Variants in DPP10 observed in about 807,000 individuals in gnomAD.
DPP10 encodes dipeptidyl peptidase like 10.
A neutral mutation model predicts 120.9 loss-of-function variants in DPP10; 33 were observed. That is an observed-to-expected ratio of 0.27 (90% confidence interval 0.21 to 0.37). DPP10 has a LOEUF of 0.37. Among genes scored for constraint, DPP10 ranks in the 10% least tolerant of loss-of-function variants. The pLI is 1.00. For synonymous variants in DPP10, 337 were observed against 326.1 expected (o/e 1.03, Z -0.36); for missense variants, 816 against 942.8 (o/e 0.87, Z 1.76).
chr2:115,342,147 T>A (rs1417937742), intron 2 of DPP10: 1 of 455,186 alleles, frequency 2.2e-6, no homozygotes, highest in Admixed American at 2.4e-5. Context: ...TTCAAACTCA[T>A]TAAGCACTCT....
At chr2:115,470,554 GA>G in intron 3 of DPP10, among the ~76,000 whole-genome samples, 1 of 151,954 alleles carries the variant, frequency 6.6e-6, no homozygotes, top group Middle Eastern at 3.4e-3. Context: ...CAGACTAGGA[GA>G]AAAAAAACTC....
chr2:115,371,832 A>G (rs1331946303), intron 3 of DPP10, among the ~76,000 whole-genome samples: 1 of 152,102 alleles, frequency 6.6e-6, no homozygotes, highest in African/African-American at 2.4e-5. Context: ...AAGAATATCT[A>G]AAAAAACAGA....
chr2:115,058,783 C>T (rs1706158563), intron 1 of DPP10, among the ~76,000 whole-genome samples: 1 of 152,082 alleles, frequency 6.6e-6, no homozygotes, highest in South Asian at 2.1e-4. Context: ...CAAGCCAGCC[C>T]TTCAAATACT....
At chr2:115,302,760 A>G (rs1305946561) in intron 1 of DPP10, among the ~76,000 whole-genome samples, 1 of 152,078 alleles carries the variant, frequency 6.6e-6, no homozygotes, top group Non-Finnish European at 1.5e-5. Flanking sequence ...AACCTTATGT[A>G]GGTCAACAGC....
At chr2:115,348,372 T>G (rs1352766425) in intron 3 of DPP10, among the ~76,000 whole-genome samples, 1 of 152,206 alleles carries the variant, frequency 6.6e-6, no homozygotes, top group Non-Finnish European at 1.5e-5. Context: ...GCATTGATAG[T>G]ATGTGATATC....
At chr2:115,109,700 C>G (rs1278657635) in intron 1 of DPP10, among the ~76,000 whole-genome samples, 1 of 152,264 alleles carries the variant, frequency 6.6e-6, no homozygotes. Context: ...TACAGTGGCT[C>G]TCAATTGGAG....
intron 4 of DPP10, among the ~76,000 whole-genome samples, chr2:115,518,796 A>C (rs996578112): frequency 2.0e-5 from 3 of 152,166 alleles, no homozygotes; most frequent in Admixed American, 2.0e-4. Flanking sequence ...ACATTGTATA[A>C]GGCCATGGTG....
intron 7 of DPP10, among the ~76,000 whole-genome samples, chr2:115,698,968 A>G (rs928637194): frequency 6.8e-6 from 1 of 146,880 alleles, no homozygotes; most frequent in African/African-American, 2.5e-5. Flanking sequence ...TAAAATCAAA[A>G]GTTGGTTCTT....
At chr2:115,458,100 A>G (rs1214558403) in intron 3 of DPP10, among the ~76,000 whole-genome samples, 1 of 152,166 alleles carries the variant, frequency 6.6e-6, no homozygotes, top group African/African-American at 2.4e-5. Context: ...AGAAAAGCCA[A>G]ATTTTCTAGA....
intron 1 of DPP10, among the ~76,000 whole-genome samples, chr2:114,967,735 A>G (rs1039183005): frequency 6.6e-6 from 1 of 152,170 alleles, no homozygotes; most frequent in Non-Finnish European, 1.5e-5. Flanking sequence ...TCCGTCTGCT[A>G]AAAAGTCTTC....
At chr2:115,799,854 T>A (rs938515010) in intron 19 of DPP10, among the ~76,000 whole-genome samples, 4 of 152,062 alleles carry the variant, frequency 2.6e-5, no homozygotes, top group African/African-American at 9.7e-5. Flanking sequence ...TTTAGGTTGG[T>A]TCCAAGTCAT....
chr2:114,925,012 C>G (rs563076977), intron 1 of DPP10, among the ~76,000 whole-genome samples: 18 of 152,056 alleles, frequency 1.2e-4, no homozygotes, highest in East Asian at 5.8e-4. Context: ...GAGTTTGAGA[C>G]CAGCCTGGCT....
At chr2:115,074,571 G>T (rs1436955193) in intron 1 of DPP10, among the ~76,000 whole-genome samples, 2 of 152,156 alleles carry the variant, frequency 1.3e-5, no homozygotes, top group African/African-American at 4.8e-5. Context: ...CCTTTCAGAG[G>T]TAGACAGATG....
At position 115,791,066 on chromosome 2, in the gene DPP10, C is replaced by G. The variant is rs770791391; in HGVS notation, c.1532-15C>G. On this transcript the variant is annotated splice_polypyrimidine_tract_variant and intron_variant, in intron 17 of 25. Transcript: ENST00000410059. ...ATAGGGGTTAGCTATTTACACTACC[C>G]TTTTTGGTTTACAGAATATTTTATA... The G allele has an allele frequency of 6.3e-7, 1 of 1,597,816 alleles. No homozygotes were observed. Among genetic ancestry groups the G allele is most frequent in the African/African-American group, 1.3e-5 (1 of 74,198 alleles).
chr2:115,277,840 A>G (rs888691259), intron 1 of DPP10, among the ~76,000 whole-genome samples: 12 of 152,198 alleles, frequency 7.9e-5, no homozygotes, highest in East Asian at 1.9e-4. Context: ...TTAAACTTTA[A>G]TAAATTATAT....
chr2:114,698,340 A>G (rs1237136093), intron 1 of DPP10, among the ~76,000 whole-genome samples: 1 of 152,060 alleles, frequency 6.6e-6, no homozygotes, highest in African/African-American at 2.4e-5. Flanking sequence ...TGGATGTTTC[A>G]GTGTCAGTAA....
chr2:115,713,750 T>TTTTC (rs1386678843), intron 7 of DPP10, among the ~76,000 whole-genome samples: 1 of 152,200 alleles, frequency 6.6e-6, no homozygotes, highest in East Asian at 1.9e-4. Context: ...CTCCTTTTTG[T>TTTTC]CTTCCTCCTC....
At chr2:115,721,454 G>T (rs1245123596) in intron 7 of DPP10, among the ~76,000 whole-genome samples, 1 of 151,940 alleles carries the variant, frequency 6.6e-6, no homozygotes, top group African/African-American at 2.4e-5. Context: ...ATTAATGTTG[G>T]TACTTTATTC....
chr2:114,564,849 C>A (rs1689077172), intron 1 of DPP10, among the ~76,000 whole-genome samples: 1 of 152,096 alleles, frequency 6.6e-6, no homozygotes, highest in East Asian at 1.9e-4. Context: ...CTGTGGTGCA[C>A]TGTTTGTTTT....
Sources: allele counts gnomAD v4.1 joint callset (sites outside exome capture counted in the v4.1 genomes callset), GRCh38; gene constraint gnomAD v4.1.1; transcripts MANE v1.5; gene names NCBI Gene and HGNC (gene_info 2026-07-23, HGNC 2026-07-21).